PPP2R3B: variants seen among roughly 807,000 people sequenced by gnomAD.
PPP2R3B encodes serine/threonine-protein phosphatase 2A regulatory subunit B'' subunit beta.
A neutral mutation model predicts 72.9 loss-of-function variants in PPP2R3B; 68 were observed. That is an observed-to-expected ratio of 0.93 (90% CI 0.77 to 1.14). The LOEUF is 1.14. Among genes scored for constraint, PPP2R3B ranks in the 50% most tolerant of loss-of-function variants. PPP2R3B has a pLI of 0.00. For synonymous variants in PPP2R3B, 466 were observed against 375.8 expected, an observed-to-expected ratio of 1.24 and a Z score of -2.78; for missense variants, 1,018 against 842.0, an observed-to-expected ratio of 1.21 and a Z score of -2.59.
chrX:341,251 A>T, intron 9 of PPP2R3B, 56 bp downstream of exon 9: 1 of 1,587,938 alleles, frequency 6.3e-7, no homozygotes. Context: ...CACATGTCAC[A>T]TGGGCGGCTC....
intron 1 of PPP2R3B, among the ~76,000 whole-genome samples, chrX:363,567 T>G (rs35777733): frequency 0.17 from 412 of 2,396 alleles, 9 homozygotes; most frequent in Middle Eastern, 0.5. Context: ...TGCATCTCCA[T>G]GAGTCCACGA....
At position 364,240 on chromosome X, in the gene PPP2R3B, C is replaced by T. The variant is rs1185220302; in HGVS notation, c.325-2650G>A. ...TAAATCCCCAGCGCGCCTCCGGCCC[C>T]AGGAATGAAAGTAGCAGCCTTCACC... On this transcript the variant is annotated intron_variant, in intron 1 of 12. Transcript: ENST00000390665. Among the ~76,000 whole-genome samples, 4 of 152,190 alleles carry T rather than the reference C, an allele frequency of 2.6e-5. No homozygotes were observed. The East Asian group carries it at 7.7e-4, about 29-fold the overall frequency.
chrX:346,408 T>C, intron 5 of PPP2R3B, 148 bp from the exon 6 acceptor site: 1 of 768,046 alleles, frequency 1.3e-6, no homozygotes, highest in South Asian at 1.8e-5. Context: ...GGAAGGGCCC[T>C]GCGGGAGGCG....
At chrX:383,815 G>T (rs1325850626) in intron 1 of PPP2R3B, among the ~76,000 whole-genome samples, 4 of 129,006 alleles carry the variant, frequency 3.1e-5, no homozygotes, top group Non-Finnish European at 6.3e-5. Context: ...TCCAGCCTGG[G>T]GGACAGAGCG....
chrX:357,584 G>A (rs1330401953), intron 2 of PPP2R3B, among the ~76,000 whole-genome samples: 5 of 152,150 alleles, frequency 3.3e-5, no homozygotes, highest in African/African-American at 4.8e-5. Context: ...ATGCAGATAC[G>A]ATCAAGATTT....
chrX:340,847 C>G lies in PPP2R3B; in HGVS notation c.1269G>C (p.Arg423Ser). The change falls in exon 10 of 13, where the codon AGG (arginine) becomes AGC (serine). Residue 423 changes from arginine to serine, a missense_variant. By Grantham distance (110) the Arg-to-Ser change is moderately radical. Transcript: ENST00000390665. ...GGGCCTCGATGGCCATGCTGTCCAGCCTTCGGCACTGCTCCTCGTAGAAGT... is the reference window on the plus strand; with the variant it reads ...GGGCCTCGATGGCCATGCTGTCCAGGCTTCGGCACTGCTCCTCGTAGAAGT... ...LEYFYEEQCR[R>S]LDSMAIEALP... The G allele has an allele frequency of 6.2e-7, 1 of 1,612,064 alleles. No individual in the cohort carries two copies. The highest frequency in any genetic ancestry group is 8.5e-7 in the Non-Finnish European group (1 of 1,179,694).
intron 1 of PPP2R3B, among the ~76,000 whole-genome samples, chrX:370,772 G>A (rs909508106): frequency 1.3e-5 from 2 of 152,192 alleles, no homozygotes; most frequent in African/African-American, 4.8e-5. Flanking sequence ...GGAGGGGAAC[G>A]GCACGTGCCC....
At chrX:385,657 C>G (rs1281191338) in intron 1 of PPP2R3B, among the ~76,000 whole-genome samples, 1 of 152,110 alleles carries the variant, frequency 6.6e-6, no homozygotes, top group African/African-American at 2.4e-5. Flanking sequence ...AAAAATTAGC[C>G]TGGCGTGATG....
At chrX:334,785 G>A (rs1451266489) in intron 12 of PPP2R3B, 2 of 401,028 alleles carry the variant, frequency 5.0e-6, no homozygotes, top group African/African-American at 4.2e-5. Flanking sequence ...CAGAGGACCT[G>A]GGCGGGCGCG....
chrX:364,476 C>T (rs758666999), intron 1 of PPP2R3B, among the ~76,000 whole-genome samples: 117 of 144,436 alleles, frequency 8.1e-4, no homozygotes, highest in African/African-American at 2.9e-3. Context: ...CAAGACCAGC[C>T]TGGGCAACAT....
At chrX:352,476 G>A in intron 2 of PPP2R3B, among the ~76,000 whole-genome samples, 1 of 152,280 alleles carries the variant, frequency 6.6e-6, no homozygotes, top group African/African-American at 2.4e-5. Context: ...TTTTAGACCT[G>A]GCTTCCCTCG....
intron 7 of PPP2R3B, chrX:344,972 A>G: frequency 5.6e-6 from 2 of 354,744 alleles, no homozygotes; most frequent in South Asian, 4.2e-5. Context: ...CTCAAGCCCC[A>G]CAGGCCACAG....
chrX:386,415 T>C lies in PPP2R3B; in HGVS notation c.277A>G (p.Asn93Asp), dbSNP rs2072250747. 2 of 1,319,640 alleles carry C rather than the reference T, an allele frequency of 1.5e-6. No homozygotes were observed. Among genetic ancestry groups the C allele is most frequent in the African/African-American group, 3.0e-5 (2 of 66,438 alleles). The allele number at this position is 1,319,640 out of a possible 1,614,324, so 81.7% of individuals were successfully genotyped here. Reference sequence around the variant, plus strand: ...CGGGTGCCTCGAACGTGGGGCGCGTTCCTGGGGCTGGAGGCGGCGCCCAGG... The same window carrying C: ...CGGGTGCCTCGAACGTGGGGCGCGTCCCTGGGGCTGGAGGCGGCGCCCAGG... ...LPLGAASSPR[N>D]APHVRGTRRS... The change falls in exon 1 of 13, where the codon AAC (asparagine) becomes GAC (aspartate). Residue 93 changes from asparagine to aspartate, a missense_variant. Coordinates refer to ENST00000390665, the MANE Select transcript of PPP2R3B (RefSeq NM_013239.5).
At chrX:340,652 G>GGGCCGTCCTC in intron 10 of PPP2R3B, 113 bp downstream of exon 10, 1 of 229,764 alleles carries the variant, frequency 4.4e-6, no homozygotes, top group Non-Finnish European at 6.7e-6. Flanking sequence ...TCCCTGGGCT[G>GGGCCGTCCTC]TCATCCGTCC....
chrX:342,826 ACG>A (rs1200651235), intron 7 of PPP2R3B, among the ~76,000 whole-genome samples: 1 of 60,582 alleles, frequency 1.7e-5, no homozygotes, highest in African/African-American at 5.7e-5. Flanking sequence ...GACCTCAGCA[ACG>A]GGAGGCGGGA....
At chrX:375,773 C>T (rs1277097727) in intron 1 of PPP2R3B, among the ~76,000 whole-genome samples, 3 of 104,314 alleles carry the variant, frequency 2.9e-5, no homozygotes, top group African/African-American at 3.7e-5. Context: ...AGCCAACGGG[C>T]GCGATCCTCA....
At chrX:376,440 A>AC in intron 1 of PPP2R3B, among the ~76,000 whole-genome samples, 1 of 107,264 alleles carries the variant, frequency 9.3e-6, no homozygotes, top group Non-Finnish European at 1.8e-5. Flanking sequence ...CAGAGCCCCC[A>AC]TGGGGCCATC....
rs2071979840 is a variant in PPP2R3B at position 375,816 on chromosome X, A to AGGTGACACACGCCCTGTTCTGCCACGCCG, written c.324+10551_324+10552insCGGCGTGGCAGAACAGGGCGTGTGTCACC. On this transcript the variant is annotated intron_variant, in intron 1 of 12. Coordinates refer to ENST00000390665, the MANE Select transcript of PPP2R3B (RefSeq NM_013239.5). ...GCAACATGCCCTGTCCTGCCACGCC[A>AGGTGACACACGCCCTGTTCTGCCACGCCG]GGTGACACACGCCCTGTCCTGCCAC... 5.9e-5 allele frequency among the ~76,000 whole-genome samples: 9 copies of AGGTGACACACGCCCTGTTCTGCCACGCCG among 151,548 alleles called. No individual in the cohort carries two copies. The South Asian group carries it at 6.3e-4, about 11-fold the overall frequency.
At chrX:370,804 C>T (rs1477361962) in intron 1 of PPP2R3B, among the ~76,000 whole-genome samples, 6 of 152,202 alleles carry the variant, frequency 3.9e-5, no homozygotes, top group Non-Finnish European at 8.8e-5. Flanking sequence ...GCAGGAGGTG[C>T]GTCAGGGACG....
Sources: allele counts gnomAD v4.1 joint callset (sites outside exome capture counted in the v4.1 genomes callset), GRCh38; gene constraint gnomAD v4.1.1; transcripts MANE v1.5; gene names NCBI Gene and HGNC (gene_info 2026-07-23, HGNC 2026-07-21).